Variants in ZNF556 observed in about 807,000 individuals in gnomAD.
The protein encoded by ZNF556 is zinc finger protein 556.
Under a neutral mutation model 13.6 loss-of-function variants are expected in ZNF556, and 11 were observed. That is an observed-to-expected ratio of 0.81 (90% CI 0.51 to 1.33). The LOEUF (loss-of-function observed/expected upper bound fraction) is 1.33. ZNF556 is among the 40% of genes most tolerant of loss of function. The pLI, the probability that ZNF556 is intolerant of heterozygous loss-of-function variation, is 0.00. For missense variants in ZNF556, 633 were observed against 566.2 expected (o/e 1.12, Z -1.20); for synonymous variants, 229 against 207.8 (o/e 1.10, Z -0.88).
Position 2,874,612 on chromosome 19 carries a change from A to C in ZNF556, c.130+990A>C, listed in dbSNP as rs191476773. 9.1e-3 allele frequency among the ~76,000 whole-genome samples: 1,377 copies of C among 151,360 alleles called. 24 individuals carry two copies. The highest frequency in any genetic ancestry group is 0.032 in the African/African-American group (1,313 of 41,266). On this transcript the variant is annotated intron_variant, in intron 2 of 3. Transcript: ENST00000307635. Reference sequence around the variant, plus strand: ...ACAAAAAATTAGCCAGGTGTGGCGGAGGGCACCTTTAGTCCCAGCTACTTG... The same window carrying C: ...ACAAAAAATTAGCCAGGTGTGGCGGCGGGCACCTTTAGTCCCAGCTACTTG...
rs1663525638 is a variant in ZNF556 at position 2,878,875 on chromosome 19, A to G, written c.*546A>G. ...TTTTGATACATAATGGTTTTTTCTT[A>G]TAAATTACTAATGTTTCTCTTTTCA... On this transcript the variant is annotated 3_prime_UTR_variant, in exon 4 of 4. Transcript: ENST00000307635. 1 of 152,580 alleles carries G rather than the reference A, an allele frequency of 6.6e-6. No individual in the cohort carries two copies. Among genetic ancestry groups the G allele is most frequent in the African/African-American group, 2.4e-5 (1 of 41,436 alleles). The allele number at this position is 152,580 out of a possible 1,614,324, so 9.5% of individuals were successfully genotyped here. A position where few individuals can be genotyped will look rare whatever the true frequency, so the allele number is the denominator to read the frequency against.
chr19:2,883,086 T>C lies in ZNF556; in HGVS notation c.*4757T>C, dbSNP rs1226628126. 1 of 152,146 alleles carries C rather than the reference T, an allele frequency of 6.6e-6. No homozygotes were observed. Among genetic ancestry groups the C allele is most frequent in the Non-Finnish European group, 1.5e-5 (1 of 68,032 alleles). The allele number at this position is 152,146 out of a possible 1,614,324, so 9.4% of individuals were successfully genotyped here. A position where few individuals can be genotyped will look rare whatever the true frequency, so the allele number is the denominator to read the frequency against. Reference sequence around the variant, plus strand: ...GGAAGAGTTATGGTCATCTGCACAGTTGTAGCCCGTTGCGAGTGTTTTCCC... The same window carrying C: ...GGAAGAGTTATGGTCATCTGCACAGCTGTAGCCCGTTGCGAGTGTTTTCCC... On this transcript the variant is annotated 3_prime_UTR_variant, in exon 4 of 4. Transcript: ENST00000307635.
intron 1 of ZNF556, among the ~76,000 whole-genome samples, chr19:2,872,232 C>T (rs971860614): frequency 1.1e-4 from 16 of 152,060 alleles, no homozygotes; most frequent in Non-Finnish European, 1.6e-4. Flanking sequence ...TAAACTCCCC[C>T]GGGGGAAGGG....
chr19:2,874,167 G>C (rs913076812), intron 2 of ZNF556, among the ~76,000 whole-genome samples: 5 of 152,074 alleles, frequency 3.3e-5, no homozygotes, highest in Non-Finnish European at 5.9e-5. Flanking sequence ...TGAGGCAGGA[G>C]AATTGCTTGA....
In ZNF556 at chr19:2,880,486, G is replaced by A. The variant is rs2087895944; in HGVS notation, c.*2157G>A. ...TGGTGACTTTAAAAATGATACTTCT[G>A]GGCCAGGCACAGTGGCTCACGCCTG... On this transcript the variant is annotated 3_prime_UTR_variant, in exon 4 of 4. Coordinates refer to ENST00000307635, the MANE Select transcript of ZNF556 (RefSeq NM_024967.3). 6.6e-6 allele frequency: 1 copy of A among 152,068 alleles called. No homozygotes were observed. Among genetic ancestry groups the A allele is most frequent in the South Asian group, 2.1e-4 (1 of 4,824 alleles). 9.4% of individuals were successfully genotyped at this position (152,068 alleles called of 1,614,324 possible).
rs1324418974 is a variant in ZNF556, at chr19:2,873,560, C to T, written c.68C>T (p.Pro23Leu). The T allele has an allele frequency of 1.1e-5, 18 of 1,614,162 alleles. No homozygotes were observed. Among genetic ancestry groups the T allele is most frequent in the Non-Finnish European group, 1.3e-5 (15 of 1,180,008 alleles). Residue 23 changes from proline to leucine, a missense_variant, in exon 2 of 4, where the codon CCT (proline) becomes CTT (leucine). Pro to Leu is a moderately conservative substitution (Grantham distance 98). Transcript: ENST00000307635. ...FTLEEWALLN[P>L]AQRKLYRDVM... ...CTGGAGGAGTGGGCCTTGCTGAATC[C>T]TGCTCAGAGAAAACTCTACAGAGAT...
At position 2,877,297 on chromosome 19, in the gene ZNF556, A is replaced by C; in HGVS notation, c.339A>C (p.Pro113=). Residue 113 remains proline (P), a synonymous_variant, in exon 4 of 4, where the codon CCA becomes CCC. Transcript: ENST00000307635. ...HLSRNPRVER[P]CKSSKGNKRG... ...GCAGAAATCCAAGGGTGGAGAGACC[A>C]TGTAAAAGCAGTAAAGGTAATAAAC... The C allele has an allele frequency of 6.2e-7, 1 of 1,612,668 alleles. No homozygotes were observed. The highest frequency in any genetic ancestry group is 8.5e-7 in the Non-Finnish European group (1 of 1,178,802).
intron 2 of ZNF556, 58 bp downstream of exon 2, chr19:2,873,680 G>T (rs2087824911): frequency 6.3e-7 from 1 of 1,577,512 alleles, no homozygotes; most frequent in Non-Finnish European, 8.7e-7. Context: ...TTGTCTGGTT[G>T]CAGTGGTTCA....
At chr19:2,873,985 G>A (rs1460095851) in intron 2 of ZNF556, among the ~76,000 whole-genome samples, 1 of 151,622 alleles carries the variant, frequency 6.6e-6, no homozygotes, top group Non-Finnish European at 1.5e-5. Context: ...AGCCAGGCAC[G>A]GTGGCTCACG....
intron 3 of ZNF556, among the ~76,000 whole-genome samples, chr19:2,876,998 T>G (rs1305800021): frequency 6.6e-6 from 1 of 151,482 alleles, no homozygotes; most frequent in Non-Finnish European, 1.5e-5. Flanking sequence ...GGGTCACCTG[T>G]GGTGAGGAGT....
rs373949851 is a variant in ZNF556, at chr19:2,878,204, G to A, written c.1246G>A (p.Val416Ile). 5.0e-5 allele frequency: 80 copies of A among 1,614,202 alleles called. 1 individual carries two copies. The highest frequency in any genetic ancestry group is 3.5e-4 in the Admixed American group (21 of 60,022). Reference sequence around the variant, plus strand: ...AGGCGGGCTTTGCTCTTCCAAAAATGTAAGAACGCAGATTGGACAGAAGCC... The same window carrying A: ...AGGCGGGCTTTGCTCTTCCAAAAATATAAGAACGCAGATTGGACAGAAGCC... Reference protein sequence around the residue: ...PSGGLCSSKNVRTQIGQKPSK... With the variant: ...PSGGLCSSKNIRTQIGQKPSK... The change falls in exon 4 of 4, where the codon GTA becomes ATA. Residue 416 changes from valine (V) to isoleucine (I), a missense_variant. Physicochemically the swap from Val to Ile is conservative, Grantham distance 29. Transcript: ENST00000307635.
chr19:2,877,178 C>G, intron 3 of ZNF556, 95 bp from the exon 4 acceptor site: 2 of 1,080,464 alleles, frequency 1.9e-6, no homozygotes, highest in Admixed American at 2.9e-5. Context: ...CCACTGCACT[C>G]CAGCCTGGGG....
chr19:2,875,803 A>G (rs1186599938), intron 2 of ZNF556, among the ~76,000 whole-genome samples: 1 of 151,816 alleles, frequency 6.6e-6, no homozygotes. Context: ...TCTCTACTAA[A>G]AATAAAAAAA....
intron 1 of ZNF556, among the ~76,000 whole-genome samples, chr19:2,872,812 C>A (rs1363292782): frequency 2.3e-5 from 3 of 133,106 alleles, no homozygotes; most frequent in Non-Finnish European, 4.6e-5. Context: ...GAGCGAGACT[C>A]CATCTCAAAA....
In ZNF556 at chr19:2,867,415, A is replaced by G. The variant is rs189998491; in HGVS notation, c.-7A>G. On this transcript the variant is annotated 5_prime_UTR_variant, in exon 1 of 4. Transcript: ENST00000307635. The stretch of plus-strand genomic sequence containing the variant: ...AGCTCCTCAAAGAGCTCAGGAACGG[A>G]CAGGACATGGTGAGTGCAGGGCAGG... 7.3e-4 allele frequency: 1,159 copies of G among 1,584,580 alleles called. 5 individuals are homozygous for G. The African/African-American group carries it at 0.01, about 14-fold the overall frequency.
rs777108591 is a variant in ZNF556 at position 2,876,125 on chromosome 19, A to G, written c.163A>G (p.Ile55Val). 4.3e-6 allele frequency: 7 copies of G among 1,612,042 alleles called. No homozygotes were observed. Among genetic ancestry groups the G allele is most frequent in the South Asian group, 2.2e-5 (2 of 90,354 alleles). The part of the protein sequence containing the change: ...NEAQLKASGS[I>V]SQQDTSGEKL... ...GGCTCAGCTTAAAGCCAGTGGGTCT[A>G]TTTCTCAGCAGGATACTTCTGGAGA... Residue 55 changes from isoleucine (I) to valine (V), a missense_variant, in exon 3 of 4, where the codon ATT (isoleucine) becomes GTT (valine). Coordinates refer to ENST00000307635, the MANE Select transcript of ZNF556 (RefSeq NM_024967.3).
chr19:2,869,159 C>A (rs1400577824), intron 1 of ZNF556, among the ~76,000 whole-genome samples: 2 of 152,104 alleles, frequency 1.3e-5, no homozygotes, highest in Non-Finnish European at 2.9e-5. Context: ...ACATGTGTGT[C>A]CACTTGAATG....
In ZNF556 at chr19:2,877,374, A is replaced by G. The variant is rs753711670; in HGVS notation, c.416A>G (p.Asn139Ser). The G allele has an allele frequency of 9.3e-6, 15 of 1,614,094 alleles. No individual in the cohort carries two copies. Among genetic ancestry groups the G allele is most frequent in the Non-Finnish European group, 1.3e-5 (15 of 1,180,054 alleles). The change falls in exon 4 of 4, where the codon AAT (asparagine) becomes AGT (serine). Residue 139 changes from asparagine to serine, a missense_variant. Physicochemically the swap from Asn to Ser is conservative, Grantham distance 46. Transcript: ENST00000307635. ...AATTGTAATCGTCATCTGCGCAAGA[A>G]TTGTTGTACTAGTGTAAGACGGTAC... ...TRNCNRHLRK[N>S]CCTSVRRYEC...
chr19:2,878,015 G>C lies in ZNF556; in HGVS notation c.1057G>C (p.Ala353Pro), dbSNP rs35296337. ...TGGGGGCAGCGTGGGAAAGTCTTCC[G>C]CGAGGCCTCGCCCCTCCACAGATGT... is the stretch of plus-strand genomic sequence containing the variant. ...VSGGSVGKSS[A>P]RPRPSTDVKS... The change falls in exon 4 of 4, where the codon GCG (alanine) becomes CCG (proline). Residue 353 changes from alanine (A) to proline (P), a missense_variant. Coordinates refer to ENST00000307635, the MANE Select transcript of ZNF556 (RefSeq NM_024967.3). 1 of 1,614,046 alleles carries C rather than the reference G, an allele frequency of 6.2e-7. No homozygotes were observed. The highest frequency in any genetic ancestry group is 8.5e-7 in the Non-Finnish European group (1 of 1,179,960).
Sources: gnomAD v4.1 joint callset for allele counts (sites outside exome capture counted in the v4.1 genomes callset) on GRCh38, gnomAD v4.1.1 for gene constraint, MANE v1.5 for transcripts, NCBI Gene and HGNC (gene_info 2026-07-23, HGNC 2026-07-21) for gene names.